The following ATG14 variants were observed in gnomAD, a reference collection of about 807,000 sequenced individuals.
ATG14 encodes beclin 1-associated autophagy-related key regulator.
A neutral mutation model predicts 60.4 loss-of-function variants in ATG14; 35 were observed. That is an observed-to-expected ratio of 0.58 (90% confidence interval 0.44 to 0.77). ATG14 has a LOEUF of 0.77. Ranked by LOEUF, ATG14 falls within the 30% of genes least tolerant of loss-of-function variation. The pLI is 0.00. For missense variants in ATG14, 647 were observed against 626.3 expected, an observed-to-expected ratio of 1.03 and a Z score of -0.35; for synonymous variants, 234 against 228.8, an observed-to-expected ratio of 1.02 and a Z score of -0.21.
chr14:55,394,254 C>T (rs1050721612), intron 3 of ATG14, among the ~76,000 whole-genome samples: 2 of 151,922 alleles, frequency 1.3e-5, no homozygotes, highest in Admixed American at 6.5e-5. Flanking sequence ...ATCCACTTGC[C>T]TCAGCCTCCC....
chr14:55,382,193 T>C lies in ATG14; in HGVS notation c.648-2A>G. Reference sequence around the variant, plus strand: ...TCTGAAGACACATCTGCGGGGTCTCTACAAGTAGGAAGACACACACGGATT... The same window carrying C: ...TCTGAAGACACATCTGCGGGGTCTCCACAAGTAGGAAGACACACACGGATT... On this transcript the variant is annotated splice_acceptor_variant, in intron 5 of 9. Coordinates refer to ENST00000247178, the MANE Select transcript of ATG14 (RefSeq NM_014924.5). LOFTEE classifies it high-confidence loss of function. The C allele has an allele frequency of 6.2e-7, 1 of 1,613,946 alleles. No individual in the cohort carries two copies. Among genetic ancestry groups the C allele is most frequent in the Non-Finnish European group, 8.5e-7 (1 of 1,179,824 alleles).
rs1409691366 is a variant in ATG14, at chr14:55,407,535, G to A, written c.221+4067C>T. 8.5e-5 allele frequency among the ~76,000 whole-genome samples: 13 copies of A among 152,214 alleles called. 1 individual carries two copies. The highest frequency in any genetic ancestry group is 8.5e-4 in the Admixed American group (13 of 15,288). ...CTGCCTCGGCCTCCCAAAGTGCTGG[G>A]ATTACAGGCATGAGCCACTGCGCCC... On this transcript the variant is annotated intron_variant, in intron 1 of 9. Coordinates refer to ENST00000247178, the MANE Select transcript of ATG14 (RefSeq NM_014924.5).
chr14:55,399,146 A>G (rs1885360504), intron 1 of ATG14, among the ~76,000 whole-genome samples: 1 of 152,266 alleles, frequency 6.6e-6, no homozygotes, highest in East Asian at 1.9e-4. Flanking sequence ...AAAATGGTCT[A>G]ATCATGACCC....
chr14:55,369,063 G>GTAAC lies in ATG14; in HGVS notation c.*552_*555dup, dbSNP rs2140113599. 6.7e-6 allele frequency: 1 copy of GTAAC among 149,056 alleles called. No homozygotes were observed. The highest frequency in any genetic ancestry group is 2.5e-5 in the African/African-American group (1 of 40,802). 9.2% of individuals were successfully genotyped at this position (149,056 alleles called of 1,614,324 possible). A position where few individuals can be genotyped will look rare whatever the true frequency, so the allele number is the denominator to read the frequency against. On this transcript the variant is annotated 3_prime_UTR_variant, in exon 10 of 10. Transcript: ENST00000247178. ...ACAGAGCAGCATGAATAAAATACGT[G>GTAAC]TAACTCACCCCTCCCAAACAAAATC...
At chr14:55,385,716 T>C in intron 5 of ATG14, 143 bp downstream of exon 5, 2 of 801,542 alleles carry the variant, frequency 2.5e-6, no homozygotes, top group Non-Finnish European at 3.9e-6. Flanking sequence ...GCGTACTGTT[T>C]GTTGAAACAG....
At position 55,371,616 on chromosome 14, in the gene ATG14, AAC is replaced by A. The variant is rs747800438; in HGVS notation, c.1173-1693_1173-1692del. 1.3e-4 allele frequency among the ~76,000 whole-genome samples: 20 copies of A among 152,148 alleles called. No individual in the cohort carries two copies. In the South Asian group the frequency reaches 1.9e-3, roughly 14 times the overall value. Reference sequence around the variant, plus strand: ...GGTCAGGAGATCGAGACCATTGGCTAACACAGTGAAACCCTGTCTCTACTAAA... The same window carrying A: ...GGTCAGGAGATCGAGACCATTGGCTAACAGTGAAACCCTGTCTCTACTAAA... On this transcript the variant is annotated intron_variant, in intron 9 of 9. Coordinates refer to ENST00000247178, the MANE Select transcript of ATG14 (RefSeq NM_014924.5).
Position 55,407,285 on chromosome 14 carries a change from CA to C in ATG14, c.221+4316del, listed in dbSNP as rs1198726071. 2.6e-5 allele frequency among the ~76,000 whole-genome samples: 4 copies of C among 152,198 alleles called. No individual in the cohort carries two copies. The South Asian group carries it at 6.2e-4, about 24-fold the overall frequency. On this transcript the variant is annotated intron_variant, in intron 1 of 9. Transcript: ENST00000247178. Reference sequence around the variant, plus strand: ...CTGAGACCACAGGCATGCGTGCCACCACGCCCAGCTAATTTTTGTATTTTGA... The same window carrying C: ...CTGAGACCACAGGCATGCGTGCCACCCGCCCAGCTAATTTTTGTATTTTGA...
At chr14:55,404,417 T>C (rs998398879) in intron 1 of ATG14, among the ~76,000 whole-genome samples, 14 of 152,344 alleles carry the variant, frequency 9.2e-5, no homozygotes, top group African/African-American at 2.6e-4. Context: ...TGCTCTGCCA[T>C]GCGCAAGTAA....
chr14:55,407,987 C>T (rs986131856), intron 1 of ATG14, among the ~76,000 whole-genome samples: 1 of 152,098 alleles, frequency 6.6e-6, no homozygotes, highest in African/African-American at 2.4e-5. Flanking sequence ...AGAAGGCCTA[C>T]AACTGTGGAG....
intron 3 of ATG14, 45 bp from the exon 4 acceptor site, chr14:55,391,037 G>A (rs1204521826): frequency 7.5e-7 from 1 of 1,333,584 alleles, no homozygotes; most frequent in Admixed American, 2.1e-5. Flanking sequence ...GGTCTCTTAT[G>A]GTTAATATGA....
At chr14:55,394,529 C>T (rs1179534574) in intron 3 of ATG14, among the ~76,000 whole-genome samples, 7 of 152,088 alleles carry the variant, frequency 4.6e-5, no homozygotes, top group African/African-American at 1.7e-4. Context: ...TAAGCTGTTA[C>T]GCATGTCCCA....
At chr14:55,371,210 A>C (rs1385415696) in intron 9 of ATG14, among the ~76,000 whole-genome samples, 1 of 152,218 alleles carries the variant, frequency 6.6e-6, no homozygotes, top group East Asian at 1.9e-4. Context: ...AGCAGGCAGA[A>C]ATGAGAGCCT....
intron 3 of ATG14, chr14:55,395,095 G>A: frequency 4.0e-6 from 2 of 503,720 alleles, no homozygotes; most frequent in Non-Finnish European, 8.0e-6. Flanking sequence ...TTTTTTGTCT[G>A]AAGATTTATC....
intron 6 of ATG14, among the ~76,000 whole-genome samples, chr14:55,381,322 A>G (rs1037739105): frequency 3.9e-5 from 6 of 152,332 alleles, no homozygotes; most frequent in African/African-American, 1.4e-4. Flanking sequence ...CAGGGGTTTT[A>G]AAGGGTTTTC....
chr14:55,402,376 TA>T lies in ATG14; in HGVS notation c.222-4943del, dbSNP rs559714309. Among the ~76,000 whole-genome samples, 875 of 151,200 alleles carry T rather than the reference TA, an allele frequency of 5.8e-3. 13 individuals are homozygous for T. Among genetic ancestry groups the T allele is most frequent in the African/African-American group, 0.019 (794 of 41,212 alleles). On this transcript the variant is annotated intron_variant, in intron 1 of 9. Coordinates refer to ENST00000247178, the MANE Select transcript of ATG14 (RefSeq NM_014924.5). ...GATTTCAAATAAGCAATTGAGGGCC[TA>T]AAAAAAAATATTCGACCTTTTGATT...
chr14:55,384,630 T>C (rs1354923060), intron 5 of ATG14, among the ~76,000 whole-genome samples: 3 of 152,252 alleles, frequency 2.0e-5, no homozygotes, highest in Admixed American at 6.5e-5. Context: ...AAGCTGGAAG[T>C]AGCAATCAGT....
chr14:55,401,161 T>C (rs1885392076), intron 1 of ATG14, among the ~76,000 whole-genome samples: 1 of 152,092 alleles, frequency 6.6e-6, no homozygotes, highest in South Asian at 2.1e-4. Context: ...AATTCATTTA[T>C]TTGCATTTAT....
At chr14:55,372,369 A>G (rs1273094338) in intron 9 of ATG14, among the ~76,000 whole-genome samples, 1 of 152,094 alleles carries the variant, frequency 6.6e-6, no homozygotes, top group African/African-American at 2.4e-5. Context: ...TTCACAATTT[A>G]AATTCCTTCC....
At chr14:55,394,038 GCT>G (rs978794171) in intron 3 of ATG14, among the ~76,000 whole-genome samples, 2 of 136,574 alleles carry the variant, frequency 1.5e-5, no homozygotes, top group Non-Finnish European at 3.1e-5. Context: ...ATGGAGTGTT[GCT>G]CTGTCGCCCA....
Sources: allele counts gnomAD v4.1 joint callset (sites outside exome capture counted in the v4.1 genomes callset), GRCh38; gene constraint gnomAD v4.1.1; transcripts MANE v1.5; gene names NCBI Gene and HGNC (gene_info 2026-07-23, HGNC 2026-07-21).